The following PLCL2 variants were observed in gnomAD, a reference collection of about 807,000 sequenced individuals.
PLCL2 encodes phospholipase C like 2, also known as inactive phospholipase C-like protein 2.
In PLCL2, 4 loss-of-function variants were observed where a neutral mutation model predicts 79.6. That is an observed-to-expected ratio of 0.05 (90% CI 0.02 to 0.11). The LOEUF is 0.11. PLCL2 is among the 10% of genes least tolerant of loss of function. The pLI is 1.00. For missense variants in PLCL2, 895 were observed against 1,291.0 expected (o/e 0.69, Z 4.70); for synonymous variants, 484 against 457.7 (o/e 1.06, Z -0.73).
intron 1 of PLCL2, among the ~76,000 whole-genome samples, chr3:16,925,233 T>C (rs956050183): frequency 1.3e-5 from 2 of 151,934 alleles, no homozygotes; most frequent in Non-Finnish European, 2.9e-5. Context: ...AGGGTTTTTT[T>C]TTTTTTTAAT....
At chr3:16,941,670 T>C (rs958628611) in intron 1 of PLCL2, among the ~76,000 whole-genome samples, 2 of 152,222 alleles carry the variant, frequency 1.3e-5, no homozygotes, top group African/African-American at 4.8e-5. Context: ...ACAAACTTCA[T>C]CTTCATAATC....
Position 16,887,189 on chromosome 3 carries a change from AGAAAT to A in PLCL2, c.327+1826_327+1830del, listed in dbSNP as rs1696246132. Among the ~76,000 whole-genome samples the A allele has an allele frequency of 1.3e-5, 2 of 152,246 alleles. No homozygotes were observed. The highest frequency in any genetic ancestry group is 4.8e-5 in the African/African-American group (2 of 41,458). Reference sequence around the variant, plus strand: ...TTAATGTTCAAAAATCACTGATTTTAGAAATGATATTGATACTTATGTTGAATTCT... The same window carrying A: ...TTAATGTTCAAAAATCACTGATTTTAGATATTGATACTTATGTTGAATTCT... On this transcript the variant is annotated intron_variant, in intron 1 of 5. Transcript: ENST00000615277. This position sits in a 1 kb window ranked among gnomAD's most constrained non-coding sequence, Gnocchi z 4.1.
intron 1 of PLCL2, among the ~76,000 whole-genome samples, chr3:16,901,816 GCTGTAT>G (rs1291853083): frequency 1.3e-5 from 2 of 152,158 alleles, no homozygotes; most frequent in Admixed American, 6.5e-5. Context: ...CCTGTTTTCA[GCTGTAT>G]CTAAAGAGTG....
Position 16,887,114 on chromosome 3 carries a change from A to G in PLCL2, c.327+1748A>G, listed in dbSNP as rs1284179606. Among the ~76,000 whole-genome samples, 1 of 152,232 alleles carries G rather than the reference A, an allele frequency of 6.6e-6. No homozygotes were observed. The highest frequency in any genetic ancestry group is 1.5e-5 in the Non-Finnish European group (1 of 68,040). Reference sequence around the variant, plus strand: ...GATATATGGAATTGGGAACTTGTCAATAGATACCATTTCTTAATTGAAGGC... The same window carrying G: ...GATATATGGAATTGGGAACTTGTCAGTAGATACCATTTCTTAATTGAAGGC... On this transcript the variant is annotated intron_variant, in intron 1 of 5. Transcript: ENST00000615277. The surrounding 1 kb of genome is among the most constrained non-coding windows in gnomAD (Gnocchi z 4.1).
At chr3:17,084,824 T>A (rs868067918) in intron 5 of PLCL2, among the ~76,000 whole-genome samples, 2 of 152,150 alleles carry the variant, frequency 1.3e-5, no homozygotes, top group South Asian at 2.1e-4. Context: ...TACATCATAT[T>A]TAAAGGTGAG....
chr3:17,082,892 A>G (rs4618210), intron 5 of PLCL2, among the ~76,000 whole-genome samples: 85,254 of 151,944 alleles, frequency 0.56, 24,668 homozygotes, highest in African/African-American at 0.7. Context: ...ATATAATGCC[A>G]AGAAAAAGAC....
At chr3:16,998,702 CA>C (rs1434929902) in intron 1 of PLCL2, among the ~76,000 whole-genome samples, 1 of 152,198 alleles carries the variant, frequency 6.6e-6, no homozygotes, top group African/African-American at 2.4e-5. Context: ...TTTCAGGAAA[CA>C]TTTTGGTAGT....
At position 16,886,932 on chromosome 3, in the gene PLCL2, T is replaced by C. The variant is rs530554186; in HGVS notation, c.327+1566T>C. Among the ~76,000 whole-genome samples, 3 of 152,376 alleles carry C rather than the reference T, an allele frequency of 2.0e-5. No homozygotes were observed. In the East Asian group the frequency reaches 5.8e-4, roughly 29 times the overall value. On this transcript the variant is annotated intron_variant, in intron 1 of 5. Coordinates refer to ENST00000615277, the MANE Select transcript of PLCL2 (RefSeq NM_001144382.2). This position sits in a 1 kb window ranked among gnomAD's most constrained non-coding sequence, Gnocchi z 4.2. ...AGCCTACCTAATTTTAACCCCTTTCTTTTAATTGTTTTGAATACTTGTTTT... is the reference window on the plus strand; with the variant it reads ...AGCCTACCTAATTTTAACCCCTTTCCTTTAATTGTTTTGAATACTTGTTTT...
intron 1 of PLCL2, among the ~76,000 whole-genome samples, chr3:16,917,084 G>C (rs1308821033): frequency 3.3e-5 from 5 of 152,098 alleles, no homozygotes; most frequent in Non-Finnish European, 5.9e-5. Flanking sequence ...CCTTTTCCTG[G>C]TACTTAGCCC....
intron 1 of PLCL2, among the ~76,000 whole-genome samples, chr3:16,999,626 A>G (rs1559513334): frequency 6.6e-6 from 1 of 152,210 alleles, no homozygotes. Context: ...CACAGAGGAC[A>G]TGCAGTGCTA....
chr3:17,025,734 C>G (rs1377936858), intron 3 of PLCL2, among the ~76,000 whole-genome samples: 1 of 152,130 alleles, frequency 6.6e-6, no homozygotes, highest in African/African-American at 2.4e-5. Context: ...TCACAACCTT[C>G]TGAATAATGA....
intron 1 of PLCL2, among the ~76,000 whole-genome samples, chr3:16,946,953 CTTTTTTTT>C (rs1056023349): frequency 3.7e-4 from 35 of 95,404 alleles, no homozygotes; most frequent in Admixed American, 3.2e-3. Context: ...AAGTTTCATT[CTTTTTTTT>C]TTTTTTTTTT....
At chr3:17,058,236 C>T (rs1457620673) in intron 4 of PLCL2, among the ~76,000 whole-genome samples, 1 of 152,092 alleles carries the variant, frequency 6.6e-6, no homozygotes, top group African/African-American at 2.4e-5. Flanking sequence ...CAGCAGTGAG[C>T]AACATGGAAT....
chr3:16,970,062 T>TTTTA (rs3063628), intron 1 of PLCL2, among the ~76,000 whole-genome samples: 3 of 145,450 alleles, frequency 2.1e-5, no homozygotes, highest in Admixed American at 6.9e-5. Context: ...ATATATATTT[T>TTTTA]ATTTTATTAT....
At chr3:17,071,690 C>T (rs927203954) in intron 5 of PLCL2, among the ~76,000 whole-genome samples, 2 of 151,970 alleles carry the variant, frequency 1.3e-5, no homozygotes, top group African/African-American at 4.8e-5. Flanking sequence ...TCTTATAGTC[C>T]ATGGCATCTT....
chr3:16,967,193 G>A (rs775031656), intron 1 of PLCL2, among the ~76,000 whole-genome samples: 26 of 152,084 alleles, frequency 1.7e-4, no homozygotes, highest in South Asian at 8.3e-4. Context: ...TTTATTCTGC[G>A]TCTTTGCTAT....
At chr3:17,041,102 A>G (rs2064716718) in intron 3 of PLCL2, among the ~76,000 whole-genome samples, 4 of 152,214 alleles carry the variant, frequency 2.6e-5, no homozygotes, top group Admixed American at 2.6e-4. Context: ...TTCAATATGC[A>G]AATTATGTAA....
chr3:16,947,972 A>C (rs968932936), intron 1 of PLCL2, among the ~76,000 whole-genome samples: 1 of 152,228 alleles, frequency 6.6e-6, no homozygotes, highest in Admixed American at 6.5e-5. Context: ...GGATGAATAA[A>C]GAAAAACATG....
chr3:17,041,501 C>T (rs1166651981), intron 3 of PLCL2, among the ~76,000 whole-genome samples: 1 of 152,152 alleles, frequency 6.6e-6, no homozygotes, highest in Non-Finnish European at 1.5e-5. Context: ...GAAGCTAGTA[C>T]ACTTTTTAAG....
Sources: allele counts gnomAD v4.1 joint callset (sites outside exome capture counted in the v4.1 genomes callset), GRCh38; gene constraint gnomAD v4.1.1; non-coding constraint Gnocchi (gnomAD v3.1); transcripts MANE v1.5; gene names NCBI Gene and HGNC (gene_info 2026-07-23, HGNC 2026-07-21).